WDFY4: variants seen among roughly 807,000 people sequenced by gnomAD.
WDFY4 encodes WDFY family member 4, also known as WD repeat- and FYVE domain-containing protein 4.
Under a neutral mutation model 351.9 loss-of-function variants are expected in WDFY4, and 169 were observed. That is an observed-to-expected ratio of 0.48 (90% CI 0.42 to 0.55). The LOEUF is 0.55. Among genes scored for constraint, WDFY4 ranks in the 20% least tolerant of loss-of-function variants. WDFY4 has a pLI of 0.00. For synonymous variants in WDFY4, 1,622 were observed against 1,574.6 expected, an observed-to-expected ratio of 1.03 and a Z score of -0.71; for missense variants, 3,803 against 3,935.6, an observed-to-expected ratio of 0.97 and a Z score of 0.90.
At chr10:48,927,618 C>T (rs1351889124) in intron 47 of WDFY4, among the ~76,000 whole-genome samples, 2 of 152,114 alleles carry the variant, frequency 1.3e-5, no homozygotes, top group African/African-American at 2.4e-5. Context: ...TTTGTCTGCC[C>T]CTAGTATTAT....
At chr10:48,945,903 C>A in intron 49 of WDFY4, 137 bp from the exon 50 acceptor site, 1 of 568,172 alleles carries the variant, frequency 1.8e-6, no homozygotes, top group Non-Finnish European at 3.0e-6. Flanking sequence ...AAAACCCCAG[C>A]CTGCCAGCTA....
chr10:48,724,879 C>A (rs1233129592), intron 5 of WDFY4, among the ~76,000 whole-genome samples: 1 of 152,086 alleles, frequency 6.6e-6, no homozygotes, highest in Non-Finnish European at 1.5e-5. Flanking sequence ...CAGTAGTTAG[C>A]AATTTTTTAA....
At chr10:48,869,911 AAACTC>A (rs1211454542) in intron 40 of WDFY4, among the ~76,000 whole-genome samples, 1 of 152,162 alleles carries the variant, frequency 6.6e-6, no homozygotes, top group Non-Finnish European at 1.5e-5. Flanking sequence ...AAAATATTGG[AAACTC>A]AACTCAGACT....
At chr10:48,723,175 C>T (rs1178135331) in intron 4 of WDFY4, among the ~76,000 whole-genome samples, 1 of 144,662 alleles carries the variant, frequency 6.9e-6, no homozygotes, top group Non-Finnish European at 1.5e-5. Context: ...CCCTCCCTCT[C>T]TCCCTCCCTT....
At chr10:48,931,479 C>T (rs1185834981) in intron 47 of WDFY4, among the ~76,000 whole-genome samples, 1 of 152,184 alleles carries the variant, frequency 6.6e-6, no homozygotes, top group Non-Finnish European at 1.5e-5. Flanking sequence ...ATAAACAACA[C>T]GTGGCCTGTT....
At chr10:48,879,821 C>A (rs11101545) in intron 43 of WDFY4, among the ~76,000 whole-genome samples, 8,182 of 152,204 alleles carry the variant, frequency 0.054, 733 homozygotes, top group African/African-American at 0.19. Context: ...TTCCTCCTTT[C>A]ATTTCCTGCA....
intron 39 of WDFY4, among the ~76,000 whole-genome samples, chr10:48,854,346 C>T (rs189422053): frequency 3.1e-3 from 471 of 152,092 alleles, no homozygotes; most frequent in Middle Eastern, 0.01. Context: ...TGAGCTCCAG[C>T]GATCCGCCCA....
intron 2 of WDFY4, among the ~76,000 whole-genome samples, chr10:48,713,456 G>T (rs546336712): frequency 6.6e-5 from 10 of 152,204 alleles, no homozygotes; most frequent in African/African-American, 9.7e-5. Flanking sequence ...TGCAGTAACT[G>T]CTAGGCAAGT....
At chr10:48,936,697 G>A (rs970847369) in intron 47 of WDFY4, among the ~76,000 whole-genome samples, 13 of 151,704 alleles carry the variant, frequency 8.6e-5, no homozygotes, top group African/African-American at 3.1e-4. Flanking sequence ...CATTAGTTGG[G>A]CATTGTGGCA....
rs115482557 is a variant in WDFY4 at position 48,751,240 on chromosome 10, C to T, written c.2459+7692C>T. 2.3e-3 allele frequency among the ~76,000 whole-genome samples: 355 copies of T among 152,246 alleles called. 1 individual carries two copies. Among genetic ancestry groups the T allele is most frequent in the African/African-American group, 7.9e-3 (327 of 41,530 alleles). ...AGCGAGGCGTTCCTGGATGAGGAGACCACTGAGCTAAACATTTAAAGATGA... is the reference window on the plus strand; with the variant it reads ...AGCGAGGCGTTCCTGGATGAGGAGATCACTGAGCTAAACATTTAAAGATGA... On this transcript the variant is annotated intron_variant, in intron 12 of 61. Transcript: ENST00000325239.
chr10:48,720,670 C>T (rs2064054983), intron 3 of WDFY4, among the ~76,000 whole-genome samples: 1 of 152,054 alleles, frequency 6.6e-6, no homozygotes, highest in Admixed American at 6.6e-5. Flanking sequence ...ACACAGAACA[C>T]ACGGGACCAC....
chr10:48,780,469 G>A (rs2066182712), intron 19 of WDFY4, among the ~76,000 whole-genome samples: 1 of 152,170 alleles, frequency 6.6e-6, no homozygotes, highest in African/African-American at 2.4e-5. Context: ...GTCTGGGCAG[G>A]GCCTAAGGTA....
chr10:48,902,663 C>A (rs934900154), intron 47 of WDFY4, among the ~76,000 whole-genome samples: 3 of 151,626 alleles, frequency 2.0e-5, no homozygotes, highest in Non-Finnish European at 4.4e-5. Context: ...CACATTCTCA[C>A]CAGGAGGACA....
In WDFY4 at chr10:48,776,811, G is replaced by A; in HGVS notation, c.2925G>A (p.Leu975=). Residue 975 remains leucine (L), a synonymous_variant, in exon 16 of 62, where the codon CTG becomes CTA. Coordinates refer to ENST00000325239, the MANE Select transcript of WDFY4 (RefSeq NM_001394531.1). ...GPWPAAPDAG[L]HPGVTQAPQP... is the part of the protein sequence containing the mutation. ...GGCCAGCTGCCCCAGATGCTGGGCT[G>A]CACCCTGGAGTCACACAGGCCCCGC... The A allele has an allele frequency of 6.4e-7, 1 of 1,551,458 alleles. No individual in the cohort carries two copies. Among genetic ancestry groups the A allele is most frequent in the Non-Finnish European group, 8.7e-7 (1 of 1,147,004 alleles).
intron 47 of WDFY4, among the ~76,000 whole-genome samples, chr10:48,904,383 T>C (rs544233349): frequency 1.3e-5 from 2 of 152,348 alleles, no homozygotes; most frequent in Admixed American, 1.3e-4. Flanking sequence ...AGCCTTTATG[T>C]TCATACTTGG....
At chr10:48,817,581 C>CCTCAAGGTGT (rs1367443155) in intron 32 of WDFY4, among the ~76,000 whole-genome samples, 172 bp downstream of exon 32, 1 of 152,252 alleles carries the variant, frequency 6.6e-6, no homozygotes, top group African/African-American at 2.4e-5. Context: ...GGCTGAGATA[C>CCTCAAGGTGT]ACCTTGAGGT....
At position 48,743,638 on chromosome 10, in the gene WDFY4, C is replaced by CA. The variant is rs2064924984; in HGVS notation, c.2459+91dup. 9 of 1,387,740 alleles carry CA rather than the reference C, an allele frequency of 6.5e-6. No homozygotes were observed. The African/African-American group carries it at 8.6e-5, about 13-fold the overall frequency. 86.0% of individuals were successfully genotyped at this position (1,387,740 alleles called of 1,614,324 possible). ...CGCATGTGTACTCAGTAGGAAGGCT[C>CA]AGCTACAGAATGGGTGTGCAGAAAT... On this transcript the variant is annotated intron_variant, in intron 12 of 61. Coordinates refer to ENST00000325239, the MANE Select transcript of WDFY4 (RefSeq NM_001394531.1).
chr10:48,746,632 A>T (rs1304613587), intron 12 of WDFY4, among the ~76,000 whole-genome samples: 2 of 152,082 alleles, frequency 1.3e-5, no homozygotes, highest in East Asian at 3.8e-4. Flanking sequence ...TTAAAAAAAA[A>T]CATTTTTGGT....
At chr10:48,897,105 G>A (rs939878207) in intron 44 of WDFY4, among the ~76,000 whole-genome samples, 1 of 152,154 alleles carries the variant, frequency 6.6e-6, no homozygotes, top group Non-Finnish European at 1.5e-5. Context: ...CTCTCACCCA[G>A]GGGCCTTCTC....
Sources: gnomAD v4.1 joint callset for allele counts (sites outside exome capture counted in the v4.1 genomes callset) on GRCh38, gnomAD v4.1.1 for gene constraint, MANE v1.5 for transcripts, NCBI Gene and HGNC (gene_info 2026-07-23, HGNC 2026-07-21) for gene names.